Variants in ZFYVE19 observed in about 807,000 individuals in gnomAD.
ZFYVE19 encodes the protein abscission/NoCut checkpoint regulator.
Under a neutral mutation model 62.8 loss-of-function variants are expected in ZFYVE19, and 49 were observed. The observed-to-expected ratio is 0.78, with a 90% CI of 0.62 to 0.99. The LOEUF (loss-of-function observed/expected upper bound fraction) is 0.99, where lower values mean the gene tolerates loss of function less well. Ranked by LOEUF, ZFYVE19 falls within the 50% of genes least tolerant of loss-of-function variation. The pLI, the probability that ZFYVE19 is intolerant of heterozygous loss-of-function variation, is 0.00. For missense variants in ZFYVE19, 630 were observed against 601.9 expected (o/e 1.05, Z -0.49); for synonymous variants, 242 against 234.3 (o/e 1.03, Z -0.30).
Position 40,811,531 on chromosome 15 carries a change from A to G in ZFYVE19, c.826+774A>G, listed in dbSNP as rs1169606972. On this transcript the variant is annotated intron_variant, in intron 6 of 10. Transcript: ENST00000355341. ...CCCGGTCCAAAGTGTCAAGAGAACT[A>G]AGATTGAGAAGTCCTGCTTTAGAGG... 1.3e-5 allele frequency among the ~76,000 whole-genome samples: 2 copies of G among 152,198 alleles called. 1 individual carries two copies. Among genetic ancestry groups the G allele is most frequent in the South Asian group, 4.1e-4 (2 of 4,832 alleles).
rs746934000 is a variant in ZFYVE19 at position 40,813,998 on chromosome 15, G to T, written c.1265G>T (p.Cys422Phe). ...EAEEEELPWC[C>F]ICNEDATLRC... is the part of the protein sequence containing the mutation. ...GAGGAAGAGGAGCTCCCCTGGTGCT[G>T]CATCTGCAATGAGGATGCCACCCTA... Residue 422 changes from cysteine to phenylalanine, a missense_variant, in exon 10 of 11, where the codon TGC becomes TTC. Coordinates refer to ENST00000355341, the MANE Select transcript of ZFYVE19 (RefSeq NM_001077268.2). The T allele has an allele frequency of 1.2e-6, 2 of 1,613,822 alleles. No individual in the cohort carries two copies.
In ZFYVE19 at chr15:40,812,686, T is replaced by C. The variant is rs774578518; in HGVS notation, c.827-13T>C. 4 of 1,603,266 alleles carry C rather than the reference T, an allele frequency of 2.5e-6. No individual in the cohort carries two copies. The highest frequency in any genetic ancestry group is 3.4e-6 in the Non-Finnish European group (4 of 1,179,704). On this transcript the variant is annotated splice_polypyrimidine_tract_variant and intron_variant, in intron 6 of 10. Coordinates refer to ENST00000355341, the MANE Select transcript of ZFYVE19 (RefSeq NM_001077268.2). Reference sequence around the variant, plus strand: ...GGATGTCTCGGCCTTGCTGATGGCATTACCCCTTCCAGCTGCCTCTCTCCA... The same window carrying C: ...GGATGTCTCGGCCTTGCTGATGGCACTACCCCTTCCAGCTGCCTCTCTCCA...
At chr15:40,810,959 G>A in intron 6 of ZFYVE19, 1 of 594,966 alleles carries the variant, frequency 1.7e-6, no homozygotes, top group Non-Finnish European at 2.8e-6. Flanking sequence ...ATCAGACAGT[G>A]ATTCCCATTT....
Position 40,814,325 on chromosome 15 carries a change from A to G in ZFYVE19, c.*99A>G. 7.4e-7 allele frequency: 1 copy of G among 1,344,100 alleles called. No homozygotes were observed. Among genetic ancestry groups the G allele is most frequent in the Non-Finnish European group, 1.0e-6 (1 of 963,120 alleles). 83.3% of individuals were successfully genotyped at this position (1,344,100 alleles called of 1,614,324 possible). On this transcript the variant is annotated 3_prime_UTR_variant, in exon 11 of 11. Coordinates refer to ENST00000355341, the MANE Select transcript of ZFYVE19 (RefSeq NM_001077268.2). The stretch of plus-strand genomic sequence containing the variant: ...CCGATGGGAGAGCTTGTCTGGCTCT[A>G]CTGATGATGGATAGGCCCCTTCCTG...
Position 40,813,415 on chromosome 15 carries a change from C to G in ZFYVE19, c.1108C>G (p.Gln370Glu). 2 of 1,602,900 alleles carry G rather than the reference C, an allele frequency of 1.2e-6. No individual in the cohort carries two copies. Among genetic ancestry groups the G allele is most frequent in the Non-Finnish European group, 1.7e-6 (2 of 1,174,752 alleles). ...GACAGCCATCCAAAGAGTCCTGCAG[C>G]AGGTGGGCCTGGATTACCCACCTGC... ...EETAIQRVLQ[Q>E]LTEEASLDEA... The change falls in exon 8 of 11, where the codon CAG becomes GAG. Residue 370 changes from glutamine (Q) to glutamate (E), a missense_variant and splice_region_variant. Physicochemically the swap from Gln to Glu is conservative, Grantham distance 29. Coordinates refer to ENST00000355341, the MANE Select transcript of ZFYVE19 (RefSeq NM_001077268.2).
chr15:40,814,172 T>TA lies in ZFYVE19; in HGVS notation c.1365dup (p.Glu456ArgfsTer55). 6.2e-7 allele frequency: 1 copy of TA among 1,614,084 alleles called. No homozygotes were observed. Among genetic ancestry groups the TA allele is most frequent in the African/African-American group, 1.3e-5 (1 of 74,996 alleles). On this transcript the variant is annotated frameshift_variant, in exon 11 of 11. Transcript: ENST00000355341. LOFTEE classifies it high-confidence loss of function. ...GAGAGGGCCATGATGCCTTTGAGCT[T>TA]AAAGAGCACCAGACATCTGCCTACT...
rs574892620 is a variant in ZFYVE19 at position 40,812,885 on chromosome 15, G to C, written c.1013G>C (p.Gly338Ala). The stretch of plus-strand genomic sequence containing the variant: ...GCCAAGCGACTAGCCATGCTGCGGG[G>C]ACAGGACCCCGAGAGAGGTGAAGGC... ...ALAKRLAMLR[G>A]QDPERVTLQD... Residue 338 changes from glycine (G) to alanine (A), a missense_variant, in exon 7 of 11, where the codon GGA (glycine) becomes GCA (alanine). Gly to Ala is a moderately conservative substitution (Grantham distance 60, BLOSUM62 0). Coordinates refer to ENST00000355341, the MANE Select transcript of ZFYVE19 (RefSeq NM_001077268.2). The C allele has an allele frequency of 1.9e-5, 30 of 1,611,996 alleles. No homozygotes were observed. The highest frequency in any genetic ancestry group is 3.4e-4 in the Middle Eastern group (2 of 5,896).
chr15:40,812,164 A>T (rs1179743401), intron 6 of ZFYVE19, among the ~76,000 whole-genome samples: 1 of 152,236 alleles, frequency 6.6e-6, no homozygotes, highest in Non-Finnish European at 1.5e-5. Context: ...AGTTTTTTAC[A>T]TTTGGAAAAA....
chr15:40,812,787 G>A lies in ZFYVE19; in HGVS notation c.915G>A (p.Lys305=), dbSNP rs765960750. 5.0e-6 allele frequency: 8 copies of A among 1,613,358 alleles called. No individual in the cohort carries two copies. Among genetic ancestry groups the A allele is most frequent in the African/African-American group, 1.3e-5 (1 of 74,904 alleles). ...CCAACTGGTCCTTGGAGGAGGAGAAGAGCAGACTGCTGGCTGAGGCAGCAC... is the reference window on the plus strand; with the variant it reads ...CCAACTGGTCCTTGGAGGAGGAGAAAAGCAGACTGCTGGCTGAGGCAGCAC... The part of the protein sequence containing the change: ...RQANWSLEEE[K]SRLLAEAALE... Residue 305 remains lysine, a synonymous_variant, in exon 7 of 11, where the codon AAG becomes AAA. Coordinates refer to ENST00000355341, the MANE Select transcript of ZFYVE19 (RefSeq NM_001077268.2).
chr15:40,812,557 A>AAAAAAG, intron 6 of ZFYVE19, 142 bp from the exon 7 acceptor site: 2 of 464,444 alleles, frequency 4.3e-6, no homozygotes, highest in African/African-American at 5.0e-5. Context: ...AAAAAAAAAA[A>AAAAAAG]AAAGAAAGAA....
At chr15:40,808,266 C>T (rs747532499) in intron 1 of ZFYVE19, 2 of 1,597,298 alleles carry the variant, frequency 1.3e-6, no homozygotes, top group South Asian at 2.2e-5. Context: ...CTGCCCTTCT[C>T]CAGGTCGCTG....
chr15:40,813,761 G>A lies in ZFYVE19; in HGVS notation c.1159G>A (p.Ala387Thr), dbSNP rs753017158. The change falls in exon 9 of 11, where the codon GCA becomes ACA. Residue 387 changes from alanine (A) to threonine (T), a missense_variant. Ala to Thr is a moderately conservative substitution (Grantham distance 58, BLOSUM62 0). Transcript: ENST00000355341. ...TGAGGCAAGTGGCTTTAACATCCCT[G>A]CAGAGCAGGCTTCTCGACCCTGGAC... is the stretch of plus-strand genomic sequence containing the variant. ...LDEASGFNIP[A>T]EQASRPWTQP... 10 of 1,614,120 alleles carry A rather than the reference G, an allele frequency of 6.2e-6. No homozygotes were observed. Among genetic ancestry groups the A allele is most frequent in the Non-Finnish European group, 8.5e-6 (10 of 1,180,010 alleles).
intron 3 of ZFYVE19, 112 bp downstream of exon 3, chr15:40,809,570 C>T (rs1242016214): frequency 1.5e-6 from 2 of 1,348,090 alleles, no homozygotes; most frequent in African/African-American, 1.5e-5. Context: ...CAGGAGAATT[C>T]TCTCCTCTCT....
chr15:40,808,579 C>T lies in ZFYVE19; in HGVS notation c.280-540C>T, dbSNP rs562167276. Reference sequence around the variant, plus strand: ...GATAAGTTATGTAACCTCTCTGGCCCTCTCAAAATAAGGATAATCACGGTT... The same window carrying T: ...GATAAGTTATGTAACCTCTCTGGCCTTCTCAAAATAAGGATAATCACGGTT... On this transcript the variant is annotated intron_variant, in intron 1 of 10. Transcript: ENST00000355341. 21 of 587,046 alleles carry T rather than the reference C, an allele frequency of 3.6e-5. No homozygotes were observed. In the African/African-American group the frequency reaches 3.6e-4, roughly 10 times the overall value. 36.4% of individuals were successfully genotyped at this position (587,046 alleles called of 1,614,324 possible). A position where few individuals can be genotyped will look rare whatever the true frequency, so the allele number is the denominator to read the frequency against.
In ZFYVE19 at chr15:40,814,196, C is replaced by G; in HGVS notation, c.1386C>G (p.Tyr462Ter). 6.2e-7 allele frequency: 1 copy of G among 1,614,208 alleles called. No individual in the cohort carries two copies. The highest frequency in any genetic ancestry group is 8.5e-7 in the Non-Finnish European group (1 of 1,180,028). ...FELKEHQTSAYSPPRAGQEH is the reference protein window; with the variant it reads ...FELKEHQTSA ...TTAAAGAGCACCAGACATCTGCCTA[C>G]TCTCCTCCACGTGCAGGCCAAGAGC... is the stretch of plus-strand genomic sequence containing the variant. Residue 462 changes from tyrosine to a stop codon, truncating the protein, a stop_gained, in exon 11 of 11, where the codon TAC (tyrosine) becomes TAG (stop). Coordinates refer to ENST00000355341, the MANE Select transcript of ZFYVE19 (RefSeq NM_001077268.2). LOFTEE classifies it low-confidence loss of function (END_TRUNC).
Position 40,807,134 on chromosome 15 carries a change from G to A in ZFYVE19, c.-456G>A, listed in dbSNP as rs771408995. ...GCGGCCTCTAGGAGACAGGGGCCAC[G>A]GGGAGAGCACAGCCACCCGGCGCGA... On this transcript the variant is annotated 5_prime_UTR_variant, in exon 1 of 11. Coordinates refer to ENST00000355341, the MANE Select transcript of ZFYVE19 (RefSeq NM_001077268.2). 37 of 1,043,342 alleles carry A rather than the reference G, an allele frequency of 3.5e-5. No homozygotes were observed. The highest frequency in any genetic ancestry group is 6.7e-5 in the South Asian group (4 of 59,832). 64.6% of individuals were successfully genotyped at this position (1,043,342 alleles called of 1,614,324 possible).
rs775784164 is a variant in ZFYVE19, at chr15:40,807,776, G to C, written c.187G>C (p.Asp63His). ...GPRGPGLGRR[D>H]LSSADPAVLG... is the part of the protein sequence containing the mutation. ...AAGGGGCCCAGGACTTGGCCGGCGT[G>C]ATCTCAGCTCTGCAGACCCTGCGGT... Residue 63 changes from aspartate to histidine, a missense_variant, in exon 1 of 11, where the codon GAT (aspartate) becomes CAT (histidine). Coordinates refer to ENST00000355341, the MANE Select transcript of ZFYVE19 (RefSeq NM_001077268.2). 1.3e-6 allele frequency: 2 copies of C among 1,581,394 alleles called. No homozygotes were observed. The highest frequency in any genetic ancestry group is 2.2e-5 in the East Asian group (1 of 44,690).
chr15:40,808,381 T>A (rs1315768057), intron 1 of ZFYVE19: 1 of 1,596,400 alleles, frequency 6.3e-7, no homozygotes. Context: ...AACTGCAGGT[T>A]CCCTCTGCCT....
chr15:40,813,511 C>A, intron 8 of ZFYVE19, 94 bp downstream of exon 8: 2 of 1,364,234 alleles, frequency 1.5e-6, no homozygotes, highest in Non-Finnish European at 1.0e-6. Context: ...AACTGTGAAG[C>A]TCCTGTTCTC....
Sources: allele counts gnomAD v4.1 joint callset (sites outside exome capture counted in the v4.1 genomes callset), GRCh38; gene constraint gnomAD v4.1.1; transcripts MANE v1.5; gene names NCBI Gene and HGNC (gene_info 2026-07-23, HGNC 2026-07-21).